Variants in HYDIN observed in about 807,000 individuals in gnomAD.
The protein encoded by HYDIN is HYDIN axonemal central pair apparatus protein.
HYDIN carries 132 observed loss-of-function variants against 403.9 expected under a neutral mutation model. That is an observed-to-expected ratio of 0.33 (90% CI 0.28 to 0.38). The LOEUF (loss-of-function observed/expected upper bound fraction) is 0.38, where lower values mean the gene tolerates loss of function less well. HYDIN is among the 10% of genes least tolerant of loss of function. The pLI is 1.00. For synonymous variants in HYDIN, 1,202 were observed against 1,891.7 expected (o/e 0.64, Z 9.46); for missense variants, 2,827 against 5,009.5 (o/e 0.56, Z 13.15).
At chr16:71,107,423 T>C (rs185605976) in intron 10 of HYDIN, among the ~76,000 whole-genome samples, 2 of 151,004 alleles carry the variant, frequency 1.3e-5, no homozygotes, top group Non-Finnish European at 2.9e-5. Context: ...AAACTATGCA[T>C]CTGACAAAGA....
In HYDIN at chr16:71,216,193, T is replaced by A. The variant is rs144317286; in HGVS notation, c.-24+14369A>T. On this transcript the variant is annotated intron_variant, in intron 1 of 85. Coordinates refer to ENST00000393567, the MANE Select transcript of HYDIN (RefSeq NM_001270974.2). ...CTGTTCATAGCAGTGTTATTCATAA[T>A]AGTGGAATATTGGAAACAACCCAAG... Among the ~76,000 whole-genome samples, 9 of 152,320 alleles carry A rather than the reference T, an allele frequency of 5.9e-5. No homozygotes were observed. The East Asian group carries it at 1.7e-3, about 29-fold the overall frequency.
At chr16:70,813,413 A>G (rs1774471) in intron 84 of HYDIN, among the ~76,000 whole-genome samples, 1 of 152,150 alleles carries the variant, frequency 6.6e-6, no homozygotes, top group East Asian at 1.9e-4. Context: ...CAGCAACCAC[A>G]TGAGTGAGTC....
chr16:70,860,170 G>T lies in HYDIN; in HGVS notation c.12027C>A (p.Tyr4009Ter). The change falls in exon 71 of 86, where the codon TAC becomes TAA. Residue 4009 changes from tyrosine to a stop codon, truncating the protein, a stop_gained. Transcript: ENST00000393567. LOFTEE classifies it high-confidence loss of function. ...TTTCTTCAGAGATCCAGCAGAAGGAGTAGGTGCTATTGGTTGGGTTTAGGA... is the reference window on the plus strand; with the variant it reads ...TTTCTTCAGAGATCCAGCAGAAGGATTAGGTGCTATTGGTTGGGTTTAGGA... Reference protein sequence around the residue: ...FTILNPTNSTYSFCWISEEIE... With the variant: ...FTILNPTNST The T allele has an allele frequency of 6.2e-7, 1 of 1,614,162 alleles. No homozygotes were observed. Among genetic ancestry groups the T allele is most frequent in the Non-Finnish European group, 8.5e-7 (1 of 1,179,990 alleles).
rs1197152185 is a variant in HYDIN at position 71,108,698 on chromosome 16, T to C, written c.1327+6998A>G. ...CTATGTACCCCATGAATATGTATGG[T>C]TATTATTTGTCAATTAAAAAAAAAT... On this transcript the variant is annotated intron_variant, in intron 10 of 85. Transcript: ENST00000393567. Among the ~76,000 whole-genome samples, 4 of 152,068 alleles carry C rather than the reference T, an allele frequency of 2.6e-5. No homozygotes were observed. The East Asian group carries it at 7.7e-4, about 29-fold the overall frequency.
chr16:70,856,748 T>C (rs1282079480), intron 72 of HYDIN, among the ~76,000 whole-genome samples: 2 of 152,236 alleles, frequency 1.3e-5, no homozygotes, highest in African/African-American at 4.8e-5. Context: ...TTGTTCAAAA[T>C]CTTAATAAAT....
At chr16:71,010,745 G>A (rs572471489) in intron 23 of HYDIN, among the ~76,000 whole-genome samples, 1 of 152,214 alleles carries the variant, frequency 6.6e-6, no homozygotes, top group African/African-American at 2.4e-5. Context: ...TGCCCTTGTG[G>A]GATTCAATAA....
intron 67 of HYDIN, chr16:70,865,480 A>C: frequency 2.4e-6 from 1 of 412,624 alleles, no homozygotes. Context: ...ATGTGGGTGA[A>C]GGGTTAACAT....
chr16:71,043,852 G>T (rs1597626637), intron 18 of HYDIN, among the ~76,000 whole-genome samples: 1 of 151,536 alleles, frequency 6.6e-6, no homozygotes, highest in East Asian at 2.0e-4. Context: ...ACTTTGGGAG[G>T]CCAAGGTGGG....
chr16:70,958,062 T>C (rs1359240286), intron 39 of HYDIN, among the ~76,000 whole-genome samples: 3 of 150,474 alleles, frequency 2.0e-5, no homozygotes, highest in South Asian at 2.1e-4. Context: ...AAGAATACAA[T>C]TCAAACAATT....
At chr16:70,900,826 A>G (rs1413300342) in intron 53 of HYDIN, among the ~76,000 whole-genome samples, 178 bp downstream of exon 53, 2 of 136,100 alleles carry the variant, frequency 1.5e-5, no homozygotes, top group East Asian at 4.2e-4. Flanking sequence ...TATTGCCTCT[A>G]TGGAGCTTGC....
At position 71,040,478 on chromosome 16, in the gene HYDIN, C is replaced by A. The variant is rs111728403; in HGVS notation, c.2530-8561G>T. Among the ~76,000 whole-genome samples the A allele has an allele frequency of 7.4e-4, 109 of 146,912 alleles. 2 individuals are homozygous for A. Among genetic ancestry groups the A allele is most frequent in the African/African-American group, 2.3e-3 (94 of 40,030 alleles). On this transcript the variant is annotated intron_variant, in intron 18 of 85. Transcript: ENST00000393567. ...TTCATCAAAAAATGCACATACCCCC[C>A]CTCCCCGCACCCCCCTCCCCCCCAC...
intron 1 of HYDIN, among the ~76,000 whole-genome samples, chr16:71,221,026 G>C (rs2089174033): frequency 6.6e-6 from 1 of 152,080 alleles, no homozygotes; most frequent in African/African-American, 2.4e-5. Context: ...AATTTGGTAG[G>C]AGATAATCCT....
chr16:71,178,432 AAAATAT>A (rs1449415483), intron 4 of HYDIN, among the ~76,000 whole-genome samples: 20 of 80,756 alleles, frequency 2.5e-4, no homozygotes, highest in African/African-American at 4.9e-4. Context: ...AAAAAAAAAA[AAAATAT>A]ATATATATAT....
chr16:71,020,902 C>T (rs1485331948), intron 21 of HYDIN, among the ~76,000 whole-genome samples: 1 of 150,020 alleles, frequency 6.7e-6, no homozygotes, highest in Non-Finnish European at 1.5e-5. Context: ...ATTTTTTTAC[C>T]CCCTTGGTGC....
Position 71,178,912 on chromosome 16 carries a change from C to T in HYDIN, c.381+16G>A. On this transcript the variant is annotated intron_variant, in intron 4 of 85. Transcript: ENST00000393567. The stretch of plus-strand genomic sequence containing the variant: ...ATATCCTGGAACAGTTCACCCACCC[C>T]AGTGAACATACTCACTTTGTCATTG... 2 of 1,604,632 alleles carry T rather than the reference C, an allele frequency of 1.2e-6. No homozygotes were observed. The highest frequency in any genetic ancestry group is 1.7e-6 in the Non-Finnish European group (2 of 1,174,724).
chr16:70,997,031 G>A (rs1268661877), intron 23 of HYDIN, among the ~76,000 whole-genome samples: 1 of 151,018 alleles, frequency 6.6e-6, no homozygotes, highest in Non-Finnish European at 1.5e-5. Context: ...CCCATCAGGG[G>A]GTGATGGGAG....
chr16:70,909,688 CTTTTTTTTTTTTT>C (rs74464612), intron 47 of HYDIN, among the ~76,000 whole-genome samples: 24 of 64,776 alleles, frequency 3.7e-4, no homozygotes, highest in Non-Finnish European at 6.5e-4. Context: ...TCAGGCATGT[CTTTTTTTTTTTTT>C]TTTTTTTTTT....
chr16:71,138,513 T>TA (rs1337114606), intron 7 of HYDIN, among the ~76,000 whole-genome samples: 1 of 141,328 alleles, frequency 7.1e-6, no homozygotes, highest in African/African-American at 2.7e-5. Context: ...ACAATGAAAC[T>TA]AAAAAATATA....
At position 70,808,035 on chromosome 16, in the gene HYDIN, T is replaced by G; in HGVS notation, c.14911A>C (p.Lys4971Gln). The change falls in exon 86 of 86, where the codon AAA becomes CAA. Residue 4971 changes from lysine to glutamine, a missense_variant. Lys to Gln is a moderately conservative substitution (Grantham distance 53). Transcript: ENST00000393567. ...RTDCTDFHAE[K>Q]LINAAPGGQG... Reference sequence around the variant, plus strand: ...CCTCCTGGGGCTGCATTAATGAGTTTTTCTGCGTGGAAGTCTGTACAGTCG... The same window carrying G: ...CCTCCTGGGGCTGCATTAATGAGTTGTTCTGCGTGGAAGTCTGTACAGTCG... 1.2e-6 allele frequency: 2 copies of G among 1,613,028 alleles called. No homozygotes were observed. The highest frequency in any genetic ancestry group is 1.7e-6 in the Non-Finnish European group (2 of 1,179,356).
Sources: allele counts gnomAD v4.1 joint callset (sites outside exome capture counted in the v4.1 genomes callset), GRCh38; gene constraint gnomAD v4.1.1; transcripts MANE v1.5; gene names NCBI Gene and HGNC (gene_info 2026-07-23, HGNC 2026-07-21).